Variants in PIWIL4 observed in about 807,000 individuals in gnomAD.
PIWIL4 encodes piwi like RNA-mediated gene silencing 4, also known as piwi-like protein 4.
A neutral mutation model predicts 100.9 loss-of-function variants in PIWIL4; 50 were observed. The observed-to-expected ratio is 0.50, with a 90% CI of 0.39 to 0.63. PIWIL4 has a LOEUF of 0.63. PIWIL4 is among the 20% of genes least tolerant of loss of function. The probability of loss-of-function intolerance (pLI) is 0.00; values close to 1 mark genes in which losing one functional copy is unlikely to be tolerated. For synonymous variants in PIWIL4, 342 were observed against 367.5 expected (o/e 0.93, Z 0.79); for missense variants, 887 against 1,043.3 (o/e 0.85, Z 2.06).
At chr11:94,568,364 C>G (rs1280552409) in intron 1 of PIWIL4, among the ~76,000 whole-genome samples, 1 of 152,024 alleles carries the variant, frequency 6.6e-6, no homozygotes, top group African/African-American at 2.4e-5. Context: ...AGCTGCTGAC[C>G]CGGGGCCTCT....
chr11:94,585,822 T>G (rs1423272616), intron 6 of PIWIL4, among the ~76,000 whole-genome samples: 1 of 152,192 alleles, frequency 6.6e-6, no homozygotes, highest in Non-Finnish European at 1.5e-5. Flanking sequence ...TGTATTTTGT[T>G]GTTGAAAGGT....
intron 15 of PIWIL4, among the ~76,000 whole-genome samples, chr11:94,611,611 G>A (rs921368948): frequency 6.6e-6 from 1 of 152,168 alleles, no homozygotes; most frequent in Admixed American, 6.5e-5. Flanking sequence ...AGGGCCTGGT[G>A]GGAGGTGTTT....
chr11:94,592,498 A>G (rs895325429), intron 8 of PIWIL4, among the ~76,000 whole-genome samples: 1 of 152,250 alleles, frequency 6.6e-6, no homozygotes, highest in African/African-American at 2.4e-5. Flanking sequence ...CTCACTTGAT[A>G]AAGGCTTCTC....
chr11:94,611,042 T>C (rs1948783069), intron 15 of PIWIL4, among the ~76,000 whole-genome samples: 1 of 152,234 alleles, frequency 6.6e-6, no homozygotes, highest in Non-Finnish European at 1.5e-5. Flanking sequence ...TTTATCCCAT[T>C]GTGTATTGTT....
intron 2 of PIWIL4, among the ~76,000 whole-genome samples, chr11:94,573,926 C>A (rs1382391039): frequency 1.3e-5 from 2 of 152,170 alleles, no homozygotes; most frequent in Non-Finnish European, 2.9e-5. Context: ...TCCCCCCTCC[C>A]TCCAGCTCCT....
chr11:94,618,844 G>T lies in PIWIL4; in HGVS notation c.2168+737G>T, dbSNP rs572391681. The stretch of plus-strand genomic sequence containing the variant: ...AGGGTCACAGCCACAAGTCACAAAG[G>T]AGCTGAGTCTTGACCTCAGTCGGTT... On this transcript the variant is annotated intron_variant, in intron 17 of 19. Coordinates refer to ENST00000299001, the MANE Select transcript of PIWIL4 (RefSeq NM_152431.3). Among the ~76,000 whole-genome samples the T allele has an allele frequency of 1.3e-4, 20 of 152,304 alleles. No individual in the cohort carries two copies. The East Asian group carries it at 2.9e-3, about 22-fold the overall frequency.
At chr11:94,601,059 C>T (rs746859675) in intron 11 of PIWIL4, among the ~76,000 whole-genome samples, 19 of 149,920 alleles carry the variant, frequency 1.3e-4, no homozygotes, top group African/African-American at 3.7e-4. Flanking sequence ...GGTCCTGAGG[C>T]GACATGCATC....
chr11:94,595,524 A>G (rs1362288610), intron 10 of PIWIL4, 98 bp downstream of exon 10: 1 of 975,286 alleles, frequency 1.0e-6, no homozygotes, highest in Non-Finnish European at 1.5e-6. Context: ...TGTGTCATTC[A>G]TATTGATTCA....
chr11:94,591,092 A>G (rs1414408576), intron 8 of PIWIL4, among the ~76,000 whole-genome samples: 1 of 152,200 alleles, frequency 6.6e-6, no homozygotes, highest in Non-Finnish European at 1.5e-5. Flanking sequence ...GCACTTTGTG[A>G]GCACTGGGAG....
chr11:94,571,199 C>T (rs1014849149), intron 2 of PIWIL4, among the ~76,000 whole-genome samples: 5 of 152,186 alleles, frequency 3.3e-5, no homozygotes, highest in African/African-American at 1.2e-4. Context: ...TATTTTCAAA[C>T]ATTATTCTAT....
At chr11:94,618,834 A>G (rs188371726) in intron 17 of PIWIL4, among the ~76,000 whole-genome samples, 2 of 152,360 alleles carry the variant, frequency 1.3e-5, no homozygotes, top group Non-Finnish European at 2.9e-5. Context: ...CACAGCCACA[A>G]GTCACAAAGG....
intron 7 of PIWIL4, 121 bp downstream of exon 7, chr11:94,587,368 T>C (rs996391800): frequency 2.8e-6 from 3 of 1,054,616 alleles, no homozygotes; most frequent in Non-Finnish European, 4.0e-6. Context: ...ACTCATCTGT[T>C]TAGAAGACCT....
intron 11 of PIWIL4, 149 bp downstream of exon 11, chr11:94,598,064 G>A: frequency 1.6e-6 from 1 of 614,462 alleles, no homozygotes; most frequent in Non-Finnish European, 2.8e-6. Flanking sequence ...ATCCCCTGTG[G>A]TTTCCTTTTC....
chr11:94,577,958 G>A (rs2135244573), intron 4 of PIWIL4, among the ~76,000 whole-genome samples: 1 of 152,284 alleles, frequency 6.6e-6, no homozygotes, highest in South Asian at 2.1e-4. Flanking sequence ...TTCCAGGGAA[G>A]CTTTCCTGGC....
At chr11:94,587,492 A>G (rs1948418062) in intron 7 of PIWIL4, among the ~76,000 whole-genome samples, 1 of 152,124 alleles carries the variant, frequency 6.6e-6, no homozygotes, top group Non-Finnish European at 1.5e-5. Flanking sequence ...TCTCTATTCT[A>G]ACCCCCAGCG....
intron 13 of PIWIL4, among the ~76,000 whole-genome samples, chr11:94,604,807 T>C (rs899927067): frequency 2.0e-5 from 3 of 152,222 alleles, no homozygotes. Flanking sequence ...TTCTTGTTGT[T>C]ATGTCATGCA....
chr11:94,618,470 A>G lies in PIWIL4; in HGVS notation c.2168+363A>G, dbSNP rs1948869432. On this transcript the variant is annotated intron_variant, in intron 17 of 19. Transcript: ENST00000299001. Reference sequence around the variant, plus strand: ...GAAAACAAACCGTGATTTCAAATTCAAGGCCCTAATACACACAGAACCAAA... The same window carrying G: ...GAAAACAAACCGTGATTTCAAATTCGAGGCCCTAATACACACAGAACCAAA... 2.0e-5 allele frequency among the ~76,000 whole-genome samples: 3 copies of G among 152,198 alleles called. No individual in the cohort carries two copies. In the South Asian group the frequency reaches 6.2e-4, roughly 32 times the overall value.
chr11:94,590,110 T>C (rs957338638), intron 8 of PIWIL4, among the ~76,000 whole-genome samples: 1 of 152,220 alleles, frequency 6.6e-6, no homozygotes, highest in Non-Finnish European at 1.5e-5. Context: ...ATTGTACACT[T>C]TCAGGAAAAG....
In PIWIL4 at chr11:94,619,847, TG is replaced by T; in HGVS notation, c.2258del (p.Gly753AlafsTer18). On this transcript the variant is annotated frameshift_variant, in exon 18 of 20. Transcript: ENST00000299001. LOFTEE classifies it high-confidence loss of function. Reference sequence around the variant, plus strand: ...ACCGCACTGTACAGAACCCCCCACTTGGCACTGTTGTGGATTCAGAAGCAAC... The same window carrying T: ...ACCGCACTGTACAGAACCCCCCACTTGCACTGTTGTGGATTCAGAAGCAAC... ...MNRTVQNPPLGTVVDSEATRN... is the reference protein window; with the variant it reads ...MNRTVQNPPLXTVVDSEATRN... The T allele has an allele frequency of 6.2e-7, 1 of 1,614,204 alleles. No individual in the cohort carries two copies. Among genetic ancestry groups the T allele is most frequent in the Non-Finnish European group, 8.5e-7 (1 of 1,180,032 alleles).
Sources: gnomAD v4.1 joint callset for allele counts (sites outside exome capture counted in the v4.1 genomes callset) on GRCh38, gnomAD v4.1.1 for gene constraint, MANE v1.5 for transcripts, NCBI Gene and HGNC (gene_info 2026-07-23, HGNC 2026-07-21) for gene names.